RND3: variants seen among roughly 807,000 people sequenced by gnomAD.
RND3 encodes Rho family GTPase 3, also known as rho-related GTP-binding protein RhoE.
RND3 carries 8 observed loss-of-function variants against 26.5 expected under a neutral mutation model. That is an observed-to-expected ratio of 0.30 (90% CI 0.18 to 0.54). RND3 has a LOEUF of 0.54. Among genes scored for constraint, RND3 ranks in the 20% least tolerant of loss-of-function variants. The pLI, the probability that RND3 is intolerant of heterozygous loss-of-function variation, is 0.94. For missense variants in RND3, 207 were observed against 302.8 expected (o/e 0.68, Z 2.35); for synonymous variants, 113 against 113.0 (o/e 1.00, Z 0.00).
At chr2:150,477,272 A>C (rs559149629) in intron 3 of RND3, among the ~76,000 whole-genome samples, 7 of 152,308 alleles carry the variant, frequency 4.6e-5, no homozygotes, top group Admixed American at 4.6e-4. Context: ...GGTGCCTACC[A>C]GCTCCTTTCA....
Position 150,474,950 on chromosome 2 carries a change from A to C in RND3, c.273T>G (p.Ser91=). 1.2e-6 allele frequency: 2 copies of C among 1,613,282 alleles called. No homozygotes were observed. Among genetic ancestry groups the C allele is most frequent in the Non-Finnish European group, 1.7e-6 (2 of 1,179,370 alleles). ...SPYYDNVRPL[S]YPDSDAVLIC... is the part of the protein sequence containing the mutation. ...TCAGCACAGCATCCGAATCAGGGTA[A>C]GAGAGGGGGCGGACATTGTCATAGT... is the stretch of plus-strand genomic sequence containing the variant. Residue 91 remains serine, a synonymous_variant, in exon 4 of 6, where the codon TCT becomes TCG. Coordinates refer to ENST00000263895, the MANE Select transcript of RND3 (RefSeq NM_005168.5).
intron 3 of RND3, among the ~76,000 whole-genome samples, chr2:150,476,469 G>A (rs1686166793): frequency 6.6e-6 from 1 of 152,186 alleles, no homozygotes; most frequent in Non-Finnish European, 1.5e-5. Flanking sequence ...CTTTACGATG[G>A]AGAGTGACAA....
At position 150,474,007 on chromosome 2, in the gene RND3, G is replaced by A. The variant is rs574669899; in HGVS notation, c.348+868C>T. Among the ~76,000 whole-genome samples the A allele has an allele frequency of 1.3e-3, 194 of 152,268 alleles. 8 individuals carry two copies. The South Asian group carries it at 0.039, about 31-fold the overall frequency. On this transcript the variant is annotated intron_variant, in intron 4 of 5. Transcript: ENST00000263895. The stretch of plus-strand genomic sequence containing the variant: ...AGTGCTCCAACAAGGATCTGATTCT[G>A]AAACCCCACAGCACACAGGCCAGGG...
At chr2:150,476,609 G>T (rs1367995600) in intron 3 of RND3, among the ~76,000 whole-genome samples, 1 of 152,170 alleles carries the variant, frequency 6.6e-6, no homozygotes, top group Non-Finnish European at 1.5e-5. Flanking sequence ...CCCACATCTG[G>T]AACCAGGACC....
Position 150,474,911 on chromosome 2 carries a change from G to A in RND3, c.312C>T (p.Ile104=), listed in dbSNP as rs765819211. The change falls in exon 4 of 6, where the codon ATC becomes ATT. Residue 104 remains isoleucine (I), a synonymous_variant. Coordinates refer to ENST00000263895, the MANE Select transcript of RND3 (RefSeq NM_005168.5). ...DSDAVLICFD[I]SRPETLDSVL... ...CACTGTCCAGGGTCTCTGGTCTACT[G>A]ATGTCAAAGCAAATCAGCACAGCAT... is the stretch of plus-strand genomic sequence containing the variant. The A allele has an allele frequency of 3.7e-6, 6 of 1,612,804 alleles. No individual in the cohort carries two copies. Among genetic ancestry groups the A allele is most frequent in the Non-Finnish European group, 5.1e-6 (6 of 1,178,940 alleles).
chr2:150,485,243 C>T (rs943453942), intron 3 of RND3: 3 of 152,328 alleles, frequency 2.0e-5, no homozygotes, highest in Non-Finnish European at 4.4e-5. Flanking sequence ...GCATCTGGCA[C>T]CGACCATGAG....
chr2:150,474,790 G>C, intron 4 of RND3, 85 bp downstream of exon 4: 1 of 725,080 alleles, frequency 1.4e-6, no homozygotes, highest in South Asian at 1.8e-5. Flanking sequence ...GAATTGATTA[G>C]AGTCTTTGAG....
chr2:150,484,360 A>G (rs868676240), intron 3 of RND3, among the ~76,000 whole-genome samples: 2 of 152,222 alleles, frequency 1.3e-5, no homozygotes, highest in Middle Eastern at 3.2e-3. Context: ...TTTATCAAAC[A>G]ATGTGCCTTT....
At chr2:150,477,601 T>C (rs1686189713) in intron 3 of RND3, among the ~76,000 whole-genome samples, 1 of 152,124 alleles carries the variant, frequency 6.6e-6, no homozygotes, top group Admixed American at 6.6e-5. Flanking sequence ...TGGAGACTGC[T>C]ACCTACTAAA....
intron 3 of RND3, among the ~76,000 whole-genome samples, chr2:150,481,185 T>C (rs951429825): frequency 6.6e-6 from 1 of 152,230 alleles, no homozygotes; most frequent in Admixed American, 6.5e-5. Context: ...TGGGCCTCAA[T>C]GACCATTAAG....
In RND3 at chr2:150,486,745, T is replaced by C; in HGVS notation, c.187A>G (p.Ser63Gly). The change falls in exon 3 of 6, where the codon AGT becomes GGT. Residue 63 changes from serine (S) to glycine (G), a missense_variant. Transcript: ENST00000263895. This position sits in a 1 kb window ranked among gnomAD's most constrained non-coding sequence, Gnocchi z 4.5. ...VPTVFENYTA[S>G]FEIDTQRIEL... ...ATTCTTTGTGTGTCGATTTCAAAAC[T>C]GGCCGTGTAATTCTCAAACACTGTA... is the stretch of plus-strand genomic sequence containing the variant. 1 of 1,613,828 alleles carries C rather than the reference T, an allele frequency of 6.2e-7. No individual in the cohort carries two copies. Among genetic ancestry groups the C allele is most frequent in the Non-Finnish European group, 8.5e-7 (1 of 1,179,714 alleles).
chr2:150,471,838 G>T, intron 4 of RND3, 77 bp from the exon 5 acceptor site: 1 of 1,197,772 alleles, frequency 8.3e-7, no homozygotes, highest in Non-Finnish European at 1.2e-6. Context: ...TTCTCCACTG[G>T]CTGACATTAG....
chr2:150,480,055 A>G (rs957271771), intron 3 of RND3, among the ~76,000 whole-genome samples: 1 of 152,184 alleles, frequency 6.6e-6, no homozygotes, highest in African/African-American at 2.4e-5. Context: ...TAAACTCCTA[A>G]TCTTATTGAG....
In RND3 at chr2:150,486,197, T is replaced by G. The variant is rs151209472; in HGVS notation, c.238+497A>C. Among the ~76,000 whole-genome samples, 641 of 152,072 alleles carry G rather than the reference T, an allele frequency of 4.2e-3. 7 individuals are homozygous for G. The highest frequency in any genetic ancestry group is 0.015 in the African/African-American group (610 of 41,518). The stretch of plus-strand genomic sequence containing the variant: ...CCGCGGCTGCCTGCGCTCAGTTTCT[T>G]TCCCTCAACAGCGGCAATTGCACGT... On this transcript the variant is annotated intron_variant, in intron 3 of 5. Coordinates refer to ENST00000263895, the MANE Select transcript of RND3 (RefSeq NM_005168.5). This position sits in a 1 kb window ranked among gnomAD's most constrained non-coding sequence, Gnocchi z 4.5.
rs1686025360 is a variant in RND3, at chr2:150,468,351, CT to C, written c.*1635del. 1 of 152,512 alleles carries C rather than the reference CT, an allele frequency of 6.6e-6. No individual in the cohort carries two copies. The allele number at this position is 152,512 out of a possible 1,614,324, so 9.4% of individuals were successfully genotyped here. A position where few individuals can be genotyped will look rare whatever the true frequency, so the allele number is the denominator to read the frequency against. On this transcript the variant is annotated 3_prime_UTR_variant, in exon 6 of 6. Coordinates refer to ENST00000263895, the MANE Select transcript of RND3 (RefSeq NM_005168.5). ...CTTTATAACAGTTATAACTTATTTT[CT>C]TTTTACAATATTTAAATACAGAAAG...
chr2:150,481,758 T>G (rs1055452142), intron 3 of RND3, among the ~76,000 whole-genome samples: 46 of 152,130 alleles, frequency 3.0e-4, no homozygotes, highest in African/African-American at 1.1e-3. Context: ...GAGAGAGCAG[T>G]GATCCCCTTT....
At chr2:150,484,465 A>G (rs1686326430) in intron 3 of RND3, among the ~76,000 whole-genome samples, 1 of 152,192 alleles carries the variant, frequency 6.6e-6, no homozygotes, top group Non-Finnish European at 1.5e-5. Flanking sequence ...TAGGAAATGT[A>G]TAGCCCAGCA....
intron 3 of RND3, among the ~76,000 whole-genome samples, chr2:150,476,793 T>C (rs953828085): frequency 1.1e-4 from 16 of 152,314 alleles, no homozygotes; most frequent in African/African-American, 3.8e-4. Context: ...GTGAAGAGAA[T>C]AATTCACAAA....
At position 150,486,792 on chromosome 2, in the gene RND3, A is replaced by C. The variant is rs1464196771; in HGVS notation, c.151-11T>G. The stretch of plus-strand genomic sequence containing the variant: ...TGTAGGAACGTAATTCTGGATAGAC[A>C]AAATGGGCAAAAGAGGAAGGAAAGA... On this transcript the variant is annotated splice_polypyrimidine_tract_variant and intron_variant, in intron 2 of 5. Transcript: ENST00000263895. The surrounding 1 kb of genome is among the most constrained non-coding windows in gnomAD (Gnocchi z 4.5). The C allele has an allele frequency of 2.5e-6, 4 of 1,590,766 alleles. No homozygotes were observed. Among genetic ancestry groups the C allele is most frequent in the Non-Finnish European group, 2.6e-6 (3 of 1,158,624 alleles).
Sources: gnomAD v4.1 joint callset for allele counts (sites outside exome capture counted in the v4.1 genomes callset) on GRCh38, gnomAD v4.1.1 for gene constraint, Gnocchi (gnomAD v3.1) non-coding constraint, MANE v1.5 for transcripts, NCBI Gene and HGNC (gene_info 2026-07-23, HGNC 2026-07-21) for gene names.